MYO10: variants seen among roughly 807,000 people sequenced by gnomAD.
The protein encoded by MYO10 is myosin X.
In MYO10, 133 loss-of-function variants were observed where a neutral mutation model predicts 257.3. The observed-to-expected ratio is 0.52, with a 90% CI of 0.45 to 0.60. The LOEUF is 0.60. Ranked by LOEUF, MYO10 falls within the 20% of genes least tolerant of loss-of-function variation. The probability of loss-of-function intolerance (pLI) is 0.00; values close to 1 mark genes in which losing one functional copy is unlikely to be tolerated. For synonymous variants in MYO10, 1,104 were observed against 1,028.6 expected, an observed-to-expected ratio of 1.07 and a Z score of -1.40; for missense variants, 2,399 against 2,635.7, an observed-to-expected ratio of 0.91 and a Z score of 1.97.
intron 19 of MYO10, among the ~76,000 whole-genome samples, chr5:16,747,918 CAAAAAAAAAAAAAAAAAAAAAAAAAAAA>C (rs1239774079): frequency 2.0e-4 from 6 of 30,540 alleles, no homozygotes; most frequent in African/African-American, 2.5e-4. Flanking sequence ...AACTCCGTCT[CAAAAAAAAAAAAAAAAAAAAAAAAAAAA>C]GAAAAAAAAA....
chr5:16,741,305 C>T (rs905474060), intron 19 of MYO10, among the ~76,000 whole-genome samples: 12 of 152,196 alleles, frequency 7.9e-5, no homozygotes, highest in Admixed American at 6.5e-4. Context: ...CCATTCAACT[C>T]CGATAACATC....
chr5:16,774,421 T>G (rs906247267), intron 9 of MYO10, among the ~76,000 whole-genome samples: 2 of 152,078 alleles, frequency 1.3e-5, no homozygotes, highest in Non-Finnish European at 2.9e-5. Flanking sequence ...ATTTATTTAT[T>G]TTTTTAATTT....
intron 40 of MYO10, 84 bp from the exon 41 acceptor site, chr5:16,666,877 G>C: frequency 8.8e-7 from 1 of 1,131,540 alleles, no homozygotes; most frequent in Non-Finnish European, 1.3e-6. Flanking sequence ...GACATTCCCT[G>C]GGCACCCTCC....
chr5:16,920,033 C>G (rs1213717723), intron 1 of MYO10, among the ~76,000 whole-genome samples: 1 of 152,150 alleles, frequency 6.6e-6, no homozygotes, highest in African/African-American at 2.4e-5. Context: ...ATCACTTGAA[C>G]CCAGGAGGCG....
At position 16,800,109 on chromosome 5, in the gene MYO10, T is replaced by C. The variant is rs78446632; in HGVS notation, c.280-5276A>G. Among the ~76,000 whole-genome samples, 2,162 of 152,292 alleles carry C rather than the reference T, an allele frequency of 0.014. 70 individuals carry two copies. In the East Asian group the frequency reaches 0.14, roughly 10 times the overall value. On this transcript the variant is annotated intron_variant, in intron 3 of 40. Coordinates refer to ENST00000513610, the MANE Select transcript of MYO10 (RefSeq NM_012334.3). The stretch of plus-strand genomic sequence containing the variant: ...TATAGAAGATGTTAATCATGGCCAA[T>C]GACCAGCACAGCTCTGGTGGTTGCA...
chr5:16,780,938 A>G (rs751424361), intron 6 of MYO10, among the ~76,000 whole-genome samples, 197 bp from the exon 7 acceptor site: 1 of 152,198 alleles, frequency 6.6e-6, no homozygotes, highest in Non-Finnish European at 1.5e-5. Context: ...GGCCTGACAC[A>G]TGGTACCCTG....
intron 19 of MYO10, among the ~76,000 whole-genome samples, chr5:16,721,719 C>T (rs1055240876): frequency 6.6e-6 from 1 of 152,192 alleles, no homozygotes; most frequent in South Asian, 2.1e-4. Flanking sequence ...TCACCCTGAG[C>T]AAGGACACTC....
chr5:16,935,152 A>C (rs1247097625), intron 1 of MYO10, among the ~76,000 whole-genome samples: 1 of 152,170 alleles, frequency 6.6e-6, no homozygotes, highest in African/African-American at 2.4e-5. Context: ...TGTTTGCCCT[A>C]AACGAATTTT....
chr5:16,804,570 A>C (rs1296466149), intron 3 of MYO10, among the ~76,000 whole-genome samples: 5 of 152,270 alleles, frequency 3.3e-5, no homozygotes, highest in Admixed American at 2.6e-4. Context: ...CCAATCGTTT[A>C]TTTCAAGAAA....
intron 2 of MYO10, among the ~76,000 whole-genome samples, chr5:16,842,155 T>C (rs991280495): frequency 2.6e-5 from 4 of 152,158 alleles, no homozygotes; most frequent in Admixed American, 6.5e-5. Context: ...ATTTAGATCA[T>C]GTGCCCCCAG....
At position 16,756,421 on chromosome 5, in the gene MYO10, T is replaced by C. The variant is rs371463951; in HGVS notation, c.1849-1513A>G. Among the ~76,000 whole-genome samples, 5 of 152,302 alleles carry C rather than the reference T, an allele frequency of 3.3e-5. No homozygotes were observed. In the East Asian group the frequency reaches 9.6e-4, roughly 29 times the overall value. ...TCAAAATGCAAATATGGTCCATTCATTGTAATTGGTGGATGCATCTTTTCA... is the reference window on the plus strand; with the variant it reads ...TCAAAATGCAAATATGGTCCATTCACTGTAATTGGTGGATGCATCTTTTCA... On this transcript the variant is annotated intron_variant, in intron 18 of 40. Transcript: ENST00000513610.
Position 16,703,827 on chromosome 5 carries a change from G to A in MYO10, c.2277-669C>T, listed in dbSNP as rs550910299. 1.3e-3 allele frequency among the ~76,000 whole-genome samples: 190 copies of A among 149,140 alleles called. 1 individual carries two copies. Among genetic ancestry groups the A allele is most frequent in the Admixed American group, 2.9e-3 (43 of 14,866 alleles). The stretch of plus-strand genomic sequence containing the variant: ...AACCCGGGAGGCGGAGGTTGCAGTG[G>A]GCTGAGATCGCACCATTGCACTCCA... On this transcript the variant is annotated intron_variant, in intron 22 of 40. Transcript: ENST00000513610.
chr5:16,690,259 G>A (rs1407060326), intron 27 of MYO10, among the ~76,000 whole-genome samples: 1 of 152,200 alleles, frequency 6.6e-6, no homozygotes, highest in Non-Finnish European at 1.5e-5. Context: ...ATATGCATAG[G>A]TTACATGCAA....
chr5:16,778,775 C>G (rs1457734132), intron 9 of MYO10, among the ~76,000 whole-genome samples: 1 of 150,552 alleles, frequency 6.6e-6, no homozygotes, highest in Admixed American at 6.6e-5. Context: ...ACTGCAAGCT[C>G]CGCCTCCCGG....
At chr5:16,918,497 TTTC>T (rs1270692385) in intron 1 of MYO10, among the ~76,000 whole-genome samples, 5 of 72,224 alleles carry the variant, frequency 6.9e-5, no homozygotes, top group Admixed American at 4.1e-4. Flanking sequence ...CTATTTTTCT[TTTC>T]TTTTTTTTTT....
chr5:16,671,414 C>T lies in MYO10; in HGVS notation c.5430+8G>A. ...GCAAAGAAATCTGTTTCTAACTATT[C>T]CTTTTACCTGTTCAAACATAAATGC... is the stretch of plus-strand genomic sequence containing the variant. On this transcript the variant is annotated splice_region_variant and intron_variant, in intron 38 of 40. Transcript: ENST00000513610. 1 of 1,613,714 alleles carries T rather than the reference C, an allele frequency of 6.2e-7. No individual in the cohort carries two copies. Among genetic ancestry groups the T allele is most frequent in the Non-Finnish European group, 8.5e-7 (1 of 1,179,768 alleles).
intron 18 of MYO10, 108 bp downstream of exon 18, chr5:16,758,010 C>A: frequency 1.2e-6 from 1 of 868,882 alleles, no homozygotes; most frequent in South Asian, 1.6e-5. Flanking sequence ...TAAAAGGAAA[C>A]AAAAATAAAC....
chr5:16,874,725 C>T (rs1561031628), intron 2 of MYO10, among the ~76,000 whole-genome samples: 1 of 152,196 alleles, frequency 6.6e-6, no homozygotes, highest in Non-Finnish European at 1.5e-5. Context: ...AACTTCCCCA[C>T]ATTTTCCTGT....
intron 19 of MYO10, among the ~76,000 whole-genome samples, chr5:16,711,737 T>C (rs2126578633): frequency 6.6e-6 from 1 of 151,290 alleles, no homozygotes; most frequent in South Asian, 2.1e-4. Flanking sequence ...ATGGCGCCAC[T>C]GCACTACAGC....
Sources: allele counts gnomAD v4.1 joint callset (sites outside exome capture counted in the v4.1 genomes callset), GRCh38; gene constraint gnomAD v4.1.1; transcripts MANE v1.5; gene names NCBI Gene and HGNC (gene_info 2026-07-23, HGNC 2026-07-21).